Variants in ERC2 observed in about 807,000 individuals in gnomAD.
ERC2 encodes ELKS/RAB6-interacting/CAST family member 2, also known as ERC protein 2.
Under a neutral mutation model 114.8 loss-of-function variants are expected in ERC2, and 42 were observed. The ratio of observed to expected loss-of-function variants is 0.37; its 90% CI spans 0.29 to 0.47. The LOEUF (loss-of-function observed/expected upper bound fraction) is 0.47. ERC2 is among the 20% of genes least tolerant of loss of function. The pLI, the probability that ERC2 is intolerant of heterozygous loss-of-function variation, is 0.99. For synonymous variants in ERC2, 454 were observed against 425.5 expected, an observed-to-expected ratio of 1.07 and a Z score of -0.82; for missense variants, 939 against 1,150.7, an observed-to-expected ratio of 0.82 and a Z score of 2.66.
intron 14 of ERC2, among the ~76,000 whole-genome samples, chr3:55,831,132 C>A (rs1307224734): frequency 7.0e-6 from 1 of 143,540 alleles, no homozygotes; most frequent in East Asian, 2.0e-4. Flanking sequence ...CATGACAAGA[C>A]CCCTCTCTAC....
chr3:56,237,778 C>T (rs568459962), intron 3 of ERC2, among the ~76,000 whole-genome samples: 10 of 152,022 alleles, frequency 6.6e-5, no homozygotes, highest in South Asian at 4.2e-4. Context: ...GAAGTCACGA[C>T]GTACATGTGA....
chr3:56,388,161 G>T (rs139117990), intron 2 of ERC2, among the ~76,000 whole-genome samples: 223 of 152,238 alleles, frequency 1.5e-3, no homozygotes, highest in African/African-American at 5.1e-3. Flanking sequence ...ATACAGTTTG[G>T]ATGTTTGACC....
At chr3:55,854,741 T>C (rs1017706785) in intron 14 of ERC2, among the ~76,000 whole-genome samples, 1 of 152,156 alleles carries the variant, frequency 6.6e-6, no homozygotes, top group African/African-American at 2.4e-5. Context: ...ATACATGTCA[T>C]GTCCTGTTTG....
intron 13 of ERC2, among the ~76,000 whole-genome samples, chr3:55,920,445 C>CACACACACACACACAA (rs769394102): frequency 6.7e-6 from 1 of 148,496 alleles, no homozygotes; most frequent in Non-Finnish European, 1.5e-5. Context: ...CACACACACA[C>CACACACACACACACAA]ACCCCAAGTG....
chr3:55,621,799 G>T (rs2059340454), intron 17 of ERC2, among the ~76,000 whole-genome samples: 1 of 152,134 alleles, frequency 6.6e-6, no homozygotes, highest in Non-Finnish European at 1.5e-5. Context: ...AGTTCCAGGA[G>T]GGAGAGAAAG....
intron 17 of ERC2, among the ~76,000 whole-genome samples, chr3:55,607,642 G>GA (rs2058701155): frequency 7.4e-6 from 1 of 134,640 alleles, no homozygotes; most frequent in Non-Finnish European, 1.6e-5. Context: ...TATAAGAAGA[G>GA]AGAAAAAAAA....
intron 3 of ERC2, among the ~76,000 whole-genome samples, chr3:56,286,113 CTG>C (rs2054684834): frequency 6.6e-6 from 1 of 152,068 alleles, no homozygotes; most frequent in Non-Finnish European, 1.5e-5. Flanking sequence ...GATCTAATAA[CTG>C]TGAAAGAAAA....
chr3:55,854,918 G>T (rs1038244652), intron 14 of ERC2, among the ~76,000 whole-genome samples: 1 of 152,120 alleles, frequency 6.6e-6, no homozygotes, highest in Non-Finnish European at 1.5e-5. Context: ...CTCCCCGGAA[G>T]CTCAGCTGTA....
chr3:55,963,111 C>A (rs940801205), intron 12 of ERC2, among the ~76,000 whole-genome samples: 10 of 152,280 alleles, frequency 6.6e-5, no homozygotes, highest in African/African-American at 2.2e-4. Context: ...CACAGGGCAG[C>A]AACAGTTATT....
intron 1 of ERC2, among the ~76,000 whole-genome samples, chr3:56,453,163 TA>T (rs2062901343): frequency 6.6e-6 from 1 of 152,228 alleles, no homozygotes; most frequent in Admixed American, 6.5e-5. Context: ...TGTGGGAAGA[TA>T]ATCTTTCCTG....
chr3:55,974,652 A>G (rs1266641831), intron 12 of ERC2, among the ~76,000 whole-genome samples: 2 of 152,068 alleles, frequency 1.3e-5, no homozygotes, highest in Non-Finnish European at 2.9e-5. Flanking sequence ...GTCTTCCCCC[A>G]TCTCTGCCGT....
intron 1 of ERC2, among the ~76,000 whole-genome samples, chr3:56,464,351 C>T (rs2063446080): frequency 1.3e-5 from 2 of 152,338 alleles, no homozygotes; most frequent in Non-Finnish European, 2.9e-5. Flanking sequence ...CAGGTAGCTG[C>T]CATCCCTTCA....
intron 2 of ERC2, among the ~76,000 whole-genome samples, chr3:56,306,189 G>A (rs1434001272): frequency 6.6e-6 from 1 of 152,028 alleles, no homozygotes; most frequent in Admixed American, 6.6e-5. Context: ...ACAATTGCGA[G>A]TCAAGCAGCA....
chr3:55,707,209 G>A lies in ERC2; in HGVS notation c.2713-7697C>T, dbSNP rs913557182. Among the ~76,000 whole-genome samples the A allele has an allele frequency of 2.3e-4, 35 of 152,122 alleles. 2 individuals carry two copies. The highest frequency in any genetic ancestry group is 4.4e-5 in the Non-Finnish European group (3 of 68,018). Reference sequence around the variant, plus strand: ...AGCACTTTGGGAGGCAGAGGCAGCCGGGTGGCTTGAGCTCGGGAGTTAGAA... The same window carrying A: ...AGCACTTTGGGAGGCAGAGGCAGCCAGGTGGCTTGAGCTCGGGAGTTAGAA... On this transcript the variant is annotated intron_variant, in intron 15 of 17. Transcript: ENST00000288221.
chr3:55,914,637 C>T (rs2064994756), intron 13 of ERC2, among the ~76,000 whole-genome samples: 1 of 152,194 alleles, frequency 6.6e-6, no homozygotes, highest in Non-Finnish European at 1.5e-5. Flanking sequence ...AAGTGACCTA[C>T]TGGCTAAGCT....
intron 3 of ERC2, among the ~76,000 whole-genome samples, chr3:56,243,284 C>T (rs541933208): frequency 6.6e-6 from 1 of 152,328 alleles, no homozygotes; most frequent in South Asian, 2.1e-4. Flanking sequence ...GACACAGCCT[C>T]CACCTTCAAG....
At position 55,699,530 on chromosome 3, in the gene ERC2, C is replaced by G. The variant is rs774749879; in HGVS notation, c.2713-18G>C. 3.8e-6 allele frequency: 6 copies of G among 1,585,462 alleles called. No individual in the cohort carries two copies. In the African/African-American group the frequency reaches 6.7e-5, roughly 18 times the overall value. On this transcript the variant is annotated intron_variant, in intron 15 of 17. Coordinates refer to ENST00000288221, the MANE Select transcript of ERC2 (RefSeq NM_015576.3). The stretch of plus-strand genomic sequence containing the variant: ...TTCTGGGTCTGTGCAGAACAAAAAC[C>G]AAGGAAGATTCCATCAGGAGCCAGA...
chr3:55,722,965 C>A (rs2064672478), intron 15 of ERC2, among the ~76,000 whole-genome samples: 1 of 152,176 alleles, frequency 6.6e-6, no homozygotes, highest in Non-Finnish European at 1.5e-5. Flanking sequence ...TAATTCAACT[C>A]TTGGGCATTA....
At chr3:55,688,883 T>C (rs1256120988) in intron 16 of ERC2, among the ~76,000 whole-genome samples, 1 of 152,144 alleles carries the variant, frequency 6.6e-6, no homozygotes, top group East Asian at 1.9e-4. Flanking sequence ...ATTCCCAGAG[T>C]TCCTTACGAT....
Sources: gnomAD v4.1 joint callset for allele counts (sites outside exome capture counted in the v4.1 genomes callset) on GRCh38, gnomAD v4.1.1 for gene constraint, MANE v1.5 for transcripts, NCBI Gene and HGNC (gene_info 2026-07-23, HGNC 2026-07-21) for gene names.